Variants in YY1 observed in about 807,000 individuals in gnomAD.
The protein encoded by YY1 is transcriptional repressor protein YY1.
YY1 carries 2 observed loss-of-function variants against 35.6 expected under a neutral mutation model. The ratio of observed to expected loss-of-function variants is 0.06; its 90% CI spans 0.02 to 0.18. The LOEUF (loss-of-function observed/expected upper bound fraction) is 0.18, where lower values mean the gene tolerates loss of function less well. YY1 is among the 10% of genes least tolerant of loss of function. The probability of loss-of-function intolerance (pLI) is 1.00; values close to 1 mark genes in which losing one functional copy is unlikely to be tolerated. For missense variants in YY1, 322 were observed against 573.4 expected, an observed-to-expected ratio of 0.56 and a Z score of 4.48; for synonymous variants, 268 against 238.9, an observed-to-expected ratio of 1.12 and a Z score of -1.12.
At chr14:100,254,379 A>G (rs915016520) in intron 1 of YY1, among the ~76,000 whole-genome samples, 1 of 152,054 alleles carries the variant, frequency 6.6e-6, no homozygotes, top group Non-Finnish European at 1.5e-5. Flanking sequence ...TGTCCTTTTG[A>G]TTTCTTCTGG....
At chr14:100,243,867 A>T (rs1008240346) in intron 1 of YY1, among the ~76,000 whole-genome samples, 1 of 151,736 alleles carries the variant, frequency 6.6e-6, no homozygotes, top group Non-Finnish European at 1.5e-5. Context: ...GCACTTTGGG[A>T]GGCCGAGGCG....
Position 100,277,725 on chromosome 14 carries a change from A to G in YY1, c.*125A>G. 1 of 1,048,214 alleles carries G rather than the reference A, an allele frequency of 9.5e-7. No individual in the cohort carries two copies. The highest frequency in any genetic ancestry group is 1.4e-6 in the Non-Finnish European group (1 of 716,360). 64.9% of individuals were successfully genotyped at this position (1,048,214 alleles called of 1,614,324 possible). A position where few individuals can be genotyped will look rare whatever the true frequency, so the allele number is the denominator to read the frequency against. On this transcript the variant is annotated 3_prime_UTR_variant, in exon 5 of 5. Coordinates refer to ENST00000262238, the MANE Select transcript of YY1 (RefSeq NM_003403.5). This position sits in a 1 kb window ranked among gnomAD's most constrained non-coding sequence, Gnocchi z 5.6. ...TTTTAAAAATGAATCCTACACACCT[A>G]AGGGACATGTTTTGATAAAGTAGTA...
Position 100,239,405 on chromosome 14 carries a change from G to C in YY1, c.161G>C (p.Gly54Ala). ...GAGGAGGACGACGACGACGAGGACGGCGGCGGTGGCGACCACGGCGGCGGG... is the reference window on the plus strand; with the variant it reads ...GAGGAGGACGACGACGACGAGGACGCCGGCGGTGGCGACCACGGCGGCGGG... ...EEEEDDDDED[G>A]GGGDHGGGGG... Residue 54 changes from glycine (G) to alanine (A), a missense_variant, in exon 1 of 5, where the codon GGC (glycine) becomes GCC (alanine). Gly to Ala is a moderately conservative substitution (Grantham distance 60). Around this residue, in one of 4 missense-constraint regions of YY1, gnomAD observed 137 missense variants for 167.0 expected, o/e 0.82. Coordinates refer to ENST00000262238, the MANE Select transcript of YY1 (RefSeq NM_003403.5). 6.3e-7 allele frequency: 1 copy of C among 1,596,666 alleles called. No homozygotes were observed. The highest frequency in any genetic ancestry group is 1.1e-5 in the South Asian group (1 of 89,790).
At position 100,281,475 on chromosome 14, in the gene YY1, ACT is replaced by A. The variant is rs1294761566; in HGVS notation, c.*3876_*3877del. 6.6e-6 allele frequency: 1 copy of A among 152,148 alleles called. No individual in the cohort carries two copies. The highest frequency in any genetic ancestry group is 2.4e-5 in the African/African-American group (1 of 41,408). The allele number at this position is 152,148 out of a possible 1,614,324, so 9.4% of individuals were successfully genotyped here. Reference sequence around the variant, plus strand: ...GCTCCGGGCCCTTTGTCCTGGATACACTGACAGTAATGTGAGCGCAGCACTTC... The same window carrying A: ...GCTCCGGGCCCTTTGTCCTGGATACAGACAGTAATGTGAGCGCAGCACTTC... On this transcript the variant is annotated 3_prime_UTR_variant, in exon 5 of 5. Coordinates refer to ENST00000262238, the MANE Select transcript of YY1 (RefSeq NM_003403.5).
At chr14:100,264,200 T>C (rs1344198228) in intron 2 of YY1, 1 of 151,250 alleles carries the variant, frequency 6.6e-6, no homozygotes, top group Non-Finnish European at 1.5e-5. Context: ...TTTTTTGAGA[T>C]GGATTTTCAC....
At chr14:100,244,944 TA>T (rs944160867) in intron 1 of YY1, among the ~76,000 whole-genome samples, 144 of 151,604 alleles carry the variant, frequency 9.5e-4, no homozygotes, top group African/African-American at 3.2e-3. Context: ...TTTTATTTCT[TA>T]TTTTTTTTTG....
chr14:100,253,735 C>T (rs1890959301), intron 1 of YY1, among the ~76,000 whole-genome samples: 1 of 152,186 alleles, frequency 6.6e-6, no homozygotes, highest in African/African-American at 2.4e-5. Context: ...GATCCGCCCA[C>T]CTCAGCCTCC....
chr14:100,277,879 C>T lies in YY1; in HGVS notation c.*279C>T, dbSNP rs552290556. On this transcript the variant is annotated 3_prime_UTR_variant, in exon 5 of 5. Transcript: ENST00000262238. The surrounding 1 kb of genome is among the most constrained non-coding windows in gnomAD (Gnocchi z 5.6). ...CAACAGGAGGACAATTCATGAACTT[C>T]GCATCAAAAGACAATTCTTTATACA... 2.5e-5 allele frequency: 10 copies of T among 406,906 alleles called. No homozygotes were observed. The highest frequency in any genetic ancestry group is 2.4e-4 in the East Asian group (5 of 21,258). 25.2% of individuals were successfully genotyped at this position (406,906 alleles called of 1,614,324 possible).
chr14:100,256,617 A>G (rs904665986), intron 1 of YY1, among the ~76,000 whole-genome samples: 2 of 152,246 alleles, frequency 1.3e-5, no homozygotes, highest in African/African-American at 4.8e-5. Flanking sequence ...GTATGATTCA[A>G]CTGGTATGAG....
intron 1 of YY1, among the ~76,000 whole-genome samples, chr14:100,251,894 C>G (rs541284703): frequency 6.6e-6 from 1 of 152,198 alleles, no homozygotes; most frequent in South Asian, 2.1e-4. Flanking sequence ...TCCCAAAGTG[C>G]TGGGATTACA....
chr14:100,249,146 G>A (rs1428978882), intron 1 of YY1, among the ~76,000 whole-genome samples: 2 of 89,430 alleles, frequency 2.2e-5, no homozygotes, highest in African/African-American at 4.3e-5. Context: ...GGGAGACAGA[G>A]TTTTGCTCTG....
At position 100,249,760 on chromosome 14, in the gene YY1, G is replaced by T. The variant is rs7153391; in HGVS notation, c.679+9837G>T. ...TTTGCTACTTACCGTTTTTTTTTTTGTTTGTTTTTGTTTTTGTTTTTGTTT... is the reference window on the plus strand; with the variant it reads ...TTTGCTACTTACCGTTTTTTTTTTTTTTTGTTTTTGTTTTTGTTTTTGTTT... On this transcript the variant is annotated intron_variant, in intron 1 of 4. Coordinates refer to ENST00000262238, the MANE Select transcript of YY1 (RefSeq NM_003403.5). Among the ~76,000 whole-genome samples, 508 of 142,684 alleles carry T rather than the reference G, an allele frequency of 3.6e-3. 6 individuals are homozygous for T. Among genetic ancestry groups the T allele is most frequent in the African/African-American group, 0.01 (383 of 37,680 alleles). The allele number at this position is 142,684 out of a possible 152,430, so 93.6% of individuals were successfully genotyped here. A position where few individuals can be genotyped will look rare whatever the true frequency, so the allele number is the denominator to read the frequency against.
intron 1 of YY1, among the ~76,000 whole-genome samples, chr14:100,256,154 AC>A (rs201666420): frequency 0.056 from 8,580 of 151,934 alleles, 248 homozygotes; most frequent in African/African-American, 0.064. Context: ...AAAAAAAAAA[AC>A]ATCTATATGC....
At chr14:100,241,585 A>G (rs1890742789) in intron 1 of YY1, among the ~76,000 whole-genome samples, 1 of 152,234 alleles carries the variant, frequency 6.6e-6, no homozygotes, top group African/African-American at 2.4e-5. Context: ...TGTTTAAATG[A>G]AACATGAATA....
chr14:100,239,385 GGAC>G lies in YY1; in HGVS notation c.153_155del (p.Asp51del), dbSNP rs748854104. 8.5e-5 allele frequency: 135 copies of G among 1,594,952 alleles called. No individual in the cohort carries two copies. The highest frequency in any genetic ancestry group is 1.0e-4 in the Non-Finnish European group (119 of 1,171,854). On this transcript the variant is annotated inframe_deletion, in exon 1 of 5. Coordinates refer to ENST00000262238, the MANE Select transcript of YY1 (RefSeq NM_003403.5). ...CAGTGGTGGGCGAGGAGGAGGAGGA[GGAC>G]GACGACGACGAGGACGGCGGCGGTG...
chr14:100,258,135 A>AG, intron 1 of YY1, among the ~76,000 whole-genome samples: 1 of 152,226 alleles, frequency 6.6e-6, no homozygotes, highest in East Asian at 1.9e-4. Flanking sequence ...GTGTCAAAAA[A>AG]AAAAGAAAAG....
In YY1 at chr14:100,239,439, C is replaced by G; in HGVS notation, c.195C>G (p.His65Gln). ...GGGDHGGGGG[H>Q]GHAGHHHHHH... ...GCGACCACGGCGGCGGGGGCGGCCA[C>G]GGGCACGCCGGCCACCACCACCACC... The change falls in exon 1 of 5, where the codon CAC (histidine) becomes CAG (glutamine). Residue 65 changes from histidine (H) to glutamine (Q), a missense_variant. Around this residue, in one of 4 missense-constraint regions of YY1, gnomAD observed 137 missense variants for 167.0 expected, o/e 0.82. Coordinates refer to ENST00000262238, the MANE Select transcript of YY1 (RefSeq NM_003403.5). The G allele has an allele frequency of 6.3e-7, 1 of 1,592,026 alleles. No individual in the cohort carries two copies. The highest frequency in any genetic ancestry group is 8.5e-7 in the Non-Finnish European group (1 of 1,171,646).
rs1891328094 is a variant in YY1 at position 100,276,909 on chromosome 14, T to C, written c.1062+261T>C. ...CTTTATGGCAGGAGGAGAACAGGAT[T>C]GAAGAGCATACCTAAAACTCAATTT... On this transcript the variant is annotated intron_variant, in intron 4 of 4. Coordinates refer to ENST00000262238, the MANE Select transcript of YY1 (RefSeq NM_003403.5). The surrounding 1 kb of genome is among the most constrained non-coding windows in gnomAD (Gnocchi z 4.1). The C allele has an allele frequency of 1.9e-6, 1 of 533,002 alleles. No homozygotes were observed. 33.0% of individuals were successfully genotyped at this position (533,002 alleles called of 1,614,324 possible). A position where few individuals can be genotyped will look rare whatever the true frequency, so the allele number is the denominator to read the frequency against.
intron 2 of YY1, 45 bp from the exon 3 acceptor site, chr14:100,274,653 A>C (rs1351696794): frequency 6.5e-7 from 1 of 1,549,808 alleles, no homozygotes; most frequent in East Asian, 2.2e-5. Flanking sequence ...AGTTGAGTCT[A>C]CCCACTCCTA....
Sources: gnomAD v4.1 joint callset for allele counts (sites outside exome capture counted in the v4.1 genomes callset) on GRCh38, gnomAD v4.1.1 for gene constraint, gnomAD v4.1.1 regional missense constraint, Gnocchi (gnomAD v3.1) non-coding constraint, MANE v1.5 for transcripts, NCBI Gene and HGNC (gene_info 2026-07-23, HGNC 2026-07-21) for gene names.